WEE1: variants seen among roughly 807,000 people sequenced by gnomAD.
The protein encoded by WEE1 is wee1-like protein kinase.
Under a neutral mutation model 68.8 loss-of-function variants are expected in WEE1, and 16 were observed. That is an observed-to-expected ratio of 0.23 (90% CI 0.16 to 0.35). The LOEUF (loss-of-function observed/expected upper bound fraction) is 0.35, where lower values mean the gene tolerates loss of function less well. Among genes scored for constraint, WEE1 ranks in the 10% least tolerant of loss-of-function variants. The probability of loss-of-function intolerance (pLI) is 1.00; values close to 1 mark genes in which losing one functional copy is unlikely to be tolerated. For missense variants in WEE1, 651 were observed against 824.1 expected (o/e 0.79, Z 2.57); for synonymous variants, 349 against 318.7 (o/e 1.09, Z -1.01).
Position 9,574,946 on chromosome 11 carries a change from A to G in WEE1, c.576+437A>G, listed in dbSNP as rs537799086. 1.0e-6 allele frequency: 1 copy of G among 985,678 alleles called. No homozygotes were observed. The highest frequency in any genetic ancestry group is 1.1e-4 in the East Asian group (1 of 8,818). The allele number at this position is 985,678 out of a possible 1,614,324, so 61.1% of individuals were successfully genotyped here. A position where few individuals can be genotyped will look rare whatever the true frequency, so the allele number is the denominator to read the frequency against. ...GGCGGCGCGGGCAGAAGGAGTTTAAAGAAAAATAATTGTCCCGCCCTGATC... is the reference window on the plus strand; with the variant it reads ...GGCGGCGCGGGCAGAAGGAGTTTAAGGAAAAATAATTGTCCCGCCCTGATC... On this transcript the variant is annotated intron_variant, in intron 1 of 10. Transcript: ENST00000450114. This position sits in a 1 kb window ranked among gnomAD's most constrained non-coding sequence, Gnocchi z 4.9.
chr11:9,588,484 C>T lies in WEE1; in HGVS notation c.1823C>T (p.Ala608Val). ...AAAGCACAGATGGCAAAAGCTGCAGCTGAGGAAAGAGCACTCTTCACTGAC... is the reference window on the plus strand; with the variant it reads ...AAAGCACAGATGGCAAAAGCTGCAGTTGAGGAAAGAGCACTCTTCACTGAC... ...LKKAQMAKAA[A>V]EERALFTDRM... Residue 608 changes from alanine to valine, a missense_variant, in exon 11 of 11, where the codon GCT becomes GTT. Around this residue, in one of 5 missense-constraint regions of WEE1, gnomAD observed 115 missense variants for 142.7 expected, o/e 0.81. Transcript: ENST00000450114. 1.9e-6 allele frequency: 3 copies of T among 1,606,128 alleles called. No individual in the cohort carries two copies. The highest frequency in any genetic ancestry group is 2.5e-6 in the Non-Finnish European group (3 of 1,178,082).
At chr11:9,583,612 C>CA (rs74575068) in intron 6 of WEE1, among the ~76,000 whole-genome samples, 52 of 80,194 alleles carry the variant, frequency 6.5e-4, no homozygotes, top group East Asian at 3.2e-3. Flanking sequence ...GAGACTGTCT[C>CA]AAAAAAAAAA....
chr11:9,574,304 C>G lies in WEE1; in HGVS notation c.371C>G (p.Pro124Arg). 7.9e-7 allele frequency: 1 copy of G among 1,266,448 alleles called. No homozygotes were observed. 78.5% of individuals were successfully genotyped at this position (1,266,448 alleles called of 1,614,324 possible). ...WEEEGFGSSS[P>R]VKSPAAPYFL... The stretch of plus-strand genomic sequence containing the variant: ...GAGGAGGGCTTCGGCTCCTCGTCGC[C>G]GGTCAAGTCGCCGGCGGCCCCCTAC... The change falls in exon 1 of 11, where the codon CCG (proline) becomes CGG (arginine). Residue 124 changes from proline to arginine, a missense_variant. Physicochemically the swap from Pro to Arg is moderately radical, Grantham distance 103. This residue lies in a region of WEE1 where 395 missense variants were observed against 378.4 expected (regional missense o/e 1.04). Transcript: ENST00000450114. This position sits in a 1 kb window ranked among gnomAD's most constrained non-coding sequence, Gnocchi z 4.9.
rs919773621 is a variant in WEE1 at position 9,574,872 on chromosome 11, C to T, written c.576+363C>T. ...GGTGCCGGCCCGGCCACCTGACACT[C>T]CCGAGCCATAGGATGCCTTTTAAAC... On this transcript the variant is annotated intron_variant, in intron 1 of 10. Transcript: ENST00000450114. The surrounding 1 kb of genome is among the most constrained non-coding windows in gnomAD (Gnocchi z 4.9). The T allele has an allele frequency of 1.0e-6, 1 of 988,228 alleles. No homozygotes were observed. Among genetic ancestry groups the T allele is most frequent in the Non-Finnish European group, 1.2e-6 (1 of 831,794 alleles). 61.2% of individuals were successfully genotyped at this position (988,228 alleles called of 1,614,324 possible).
In WEE1 at chr11:9,573,939, C is replaced by T. The variant is rs1158607974; in HGVS notation, c.6C>T (p.Ser2=). The stretch of plus-strand genomic sequence containing the variant: ...GCCCCGTCCCCAGGGCCGCGATGAG[C>T]TTCCTGAGCCGACAGCAGCCGCCGC... M[S]FLSRQQPPPP... The change falls in exon 1 of 11, where the codon AGC becomes AGT. Residue 2 remains serine (S), a synonymous_variant. Transcript: ENST00000450114. 8 of 1,282,178 alleles carry T rather than the reference C, an allele frequency of 6.2e-6. No individual in the cohort carries two copies. The highest frequency in any genetic ancestry group is 3.2e-5 in the East Asian group (1 of 31,486). The allele number at this position is 1,282,178 out of a possible 1,614,324, so 79.4% of individuals were successfully genotyped here. A position where few individuals can be genotyped will look rare whatever the true frequency, so the allele number is the denominator to read the frequency against.
chr11:9,582,062 C>A (rs1436273599), intron 6 of WEE1, among the ~76,000 whole-genome samples: 1 of 152,182 alleles, frequency 6.6e-6, no homozygotes, highest in East Asian at 1.9e-4. Flanking sequence ...GAAATTTTTG[C>A]TGCATCTTAC....
intron 1 of WEE1, 77 bp from the exon 2 acceptor site, chr11:9,575,811 T>C: frequency 7.8e-7 from 1 of 1,289,372 alleles, no homozygotes; most frequent in South Asian, 1.3e-5. Context: ...TATGAAAGGC[T>C]CGTTGAAGGT....
In WEE1 at chr11:9,576,766, C is replaced by G; in HGVS notation, c.1019+107C>G. ...AATTCCATCTCTAACTTTTGAGAAG[C>G]TGTAATGATTTAATCAGGTCCTTTT... On this transcript the variant is annotated intron_variant, in intron 4 of 10. Transcript: ENST00000450114. The surrounding 1 kb of genome is among the most constrained non-coding windows in gnomAD (Gnocchi z 4.3). The G allele has an allele frequency of 2.5e-6, 3 of 1,205,886 alleles. No individual in the cohort carries two copies. The highest frequency in any genetic ancestry group is 2.5e-5 in the Admixed American group (1 of 39,474). 74.7% of individuals were successfully genotyped at this position (1,205,886 alleles called of 1,614,324 possible). A position where few individuals can be genotyped will look rare whatever the true frequency, so the allele number is the denominator to read the frequency against.
At chr11:9,575,399 T>C in intron 1 of WEE1, 1 of 995,278 alleles carries the variant, frequency 1.0e-6, no homozygotes, top group Non-Finnish European at 1.2e-6. Context: ...GTTTTCAATG[T>C]ACTGTTTGTC....
At position 9,574,305 on chromosome 11, in the gene WEE1, G is replaced by T. The variant is rs751846658; in HGVS notation, c.372G>T (p.Pro124=). Reference sequence around the variant, plus strand: ...AGGAGGGCTTCGGCTCCTCGTCGCCGGTCAAGTCGCCGGCGGCCCCCTACT... The same window carrying T: ...AGGAGGGCTTCGGCTCCTCGTCGCCTGTCAAGTCGCCGGCGGCCCCCTACT... ...WEEEGFGSSS[P]VKSPAAPYFL... is the part of the protein sequence containing the mutation. The change falls in exon 1 of 11, where the codon CCG becomes CCT. Residue 124 remains proline (P), a synonymous_variant. Transcript: ENST00000450114. The surrounding 1 kb of genome is among the most constrained non-coding windows in gnomAD (Gnocchi z 4.9). The T allele has an allele frequency of 3.9e-6, 5 of 1,266,338 alleles. No homozygotes were observed. The highest frequency in any genetic ancestry group is 4.0e-6 in the Non-Finnish European group (4 of 1,004,872). The allele number at this position is 1,266,338 out of a possible 1,614,324, so 78.4% of individuals were successfully genotyped here.
chr11:9,584,151 T>G (rs895685643), intron 6 of WEE1, among the ~76,000 whole-genome samples: 13 of 151,808 alleles, frequency 8.6e-5, no homozygotes, highest in African/African-American at 3.1e-4. Flanking sequence ...CGGCCTTATT[T>G]TTTAGAGATA....
intron 5 of WEE1, 158 bp downstream of exon 5, chr11:9,577,421 T>G: frequency 1.1e-6 from 1 of 890,784 alleles, no homozygotes; most frequent in Non-Finnish European, 1.7e-6. Context: ...GTTAAAAACC[T>G]TGTCCTTTCT....
chr11:9,589,331 C>T lies in WEE1; in HGVS notation c.*729C>T. On this transcript the variant is annotated 3_prime_UTR_variant, in exon 11 of 11. Transcript: ENST00000450114. ...AGTGCATTGGAAAAATGCACCCTTT[C>T]CCTCCTTTGGAATGCTGTATTAATG... 1 of 984,454 alleles carries T rather than the reference C, an allele frequency of 1.0e-6. No homozygotes were observed. The highest frequency in any genetic ancestry group is 1.2e-6 in the Non-Finnish European group (1 of 829,692). The allele number at this position is 984,454 out of a possible 1,614,324, so 61.0% of individuals were successfully genotyped here.
At position 9,576,751 on chromosome 11, in the gene WEE1, C is replaced by A; in HGVS notation, c.1019+92C>A. 7.4e-7 allele frequency: 1 copy of A among 1,342,928 alleles called. No individual in the cohort carries two copies. Among genetic ancestry groups the A allele is most frequent in the Non-Finnish European group, 1.0e-6 (1 of 985,770 alleles). 83.2% of individuals were successfully genotyped at this position (1,342,928 alleles called of 1,614,324 possible). A position where few individuals can be genotyped will look rare whatever the true frequency, so the allele number is the denominator to read the frequency against. ...GCTGGTCAAACACTGAATTCCATCT[C>A]TAACTTTTGAGAAGCTGTAATGATT... On this transcript the variant is annotated intron_variant, in intron 4 of 10. Coordinates refer to ENST00000450114, the MANE Select transcript of WEE1 (RefSeq NM_003390.4). The surrounding 1 kb of genome is among the most constrained non-coding windows in gnomAD (Gnocchi z 4.3).
At chr11:9,585,212 G>T in intron 6 of WEE1, 46 bp from the exon 7 acceptor site, 12 of 1,394,794 alleles carry the variant, frequency 8.6e-6, no homozygotes, top group Non-Finnish European at 1.2e-5. Context: ...TATGAACTCT[G>T]GTTTTATTAT....
chr11:9,586,879 C>T (rs1486552678), intron 10 of WEE1, 23 bp downstream of exon 10: 3 of 1,580,738 alleles, frequency 1.9e-6, no homozygotes. Flanking sequence ...TTTATGTTTT[C>T]TTTTTGCTTT....
chr11:9,574,622 T>A lies in WEE1; in HGVS notation c.576+113T>A. The A allele has an allele frequency of 1.8e-6, 2 of 1,111,772 alleles. No individual in the cohort carries two copies. Among genetic ancestry groups the A allele is most frequent in the Non-Finnish European group, 2.2e-6 (2 of 912,032 alleles). 68.9% of individuals were successfully genotyped at this position (1,111,772 alleles called of 1,614,324 possible). ...GCCGGCCGCTCCCCCCTCGCTTTCCTGCGCCGCCCCCCAAAGTTGGCAGCC... is the reference window on the plus strand; with the variant it reads ...GCCGGCCGCTCCCCCCTCGCTTTCCAGCGCCGCCCCCCAAAGTTGGCAGCC... On this transcript the variant is annotated intron_variant, in intron 1 of 10. Transcript: ENST00000450114. This position sits in a 1 kb window ranked among gnomAD's most constrained non-coding sequence, Gnocchi z 4.9.
At position 9,586,549 on chromosome 11, in the gene WEE1, A is replaced by G. The variant is rs747723878; in HGVS notation, c.1571A>G (p.His524Arg). The G allele has an allele frequency of 6.2e-7, 1 of 1,614,192 alleles. No homozygotes were observed. The highest frequency in any genetic ancestry group is 8.5e-7 in the Non-Finnish European group (1 of 1,180,022). Reference sequence around the variant, plus strand: ...CTTCCGAGAAATGGAGATCAATGGCATGAAATCAGACAGGGTAGATTACCT... The same window carrying G: ...CTTCCGAGAAATGGAGATCAATGGCGTGAAATCAGACAGGGTAGATTACCT... ...EPLPRNGDQW[H>R]EIRQGRLPRI... The change falls in exon 9 of 11, where the codon CAT becomes CGT. Residue 524 changes from histidine (H) to arginine (R), a missense_variant. This residue lies in a region of WEE1 where 18 missense variants were observed against 54.3 expected (regional missense o/e 0.33). Transcript: ENST00000450114.
At chr11:9,575,314 CT>C in intron 1 of WEE1, 2 of 987,674 alleles carry the variant, frequency 2.0e-6, no homozygotes, top group Non-Finnish European at 2.4e-6. Context: ...AAAGCTGATA[CT>C]TCCAGAGATT....
Sources: allele counts gnomAD v4.1 joint callset (sites outside exome capture counted in the v4.1 genomes callset), GRCh38; gene constraint gnomAD v4.1.1; regional missense constraint gnomAD v4.1.1; non-coding constraint Gnocchi (gnomAD v3.1); transcripts MANE v1.5; gene names NCBI Gene and HGNC (gene_info 2026-07-23, HGNC 2026-07-21).